GTF2I: variants seen among roughly 807,000 people sequenced by gnomAD.
The protein encoded by GTF2I is general transcription factor II-I.
GTF2I carries 12 observed loss-of-function variants against 67.6 expected under a neutral mutation model. The observed-to-expected ratio is 0.18, with a 90% CI of 0.11 to 0.29. The LOEUF (loss-of-function observed/expected upper bound fraction) is 0.29, where lower values mean the gene tolerates loss of function less well. GTF2I is among the 10% of genes least tolerant of loss of function. The probability of loss-of-function intolerance (pLI) is 1.00; values close to 1 mark genes in which losing one functional copy is unlikely to be tolerated. For synonymous variants in GTF2I, 149 were observed against 197.0 expected, an observed-to-expected ratio of 0.76 and a Z score of 2.04; for missense variants, 271 against 580.1, an observed-to-expected ratio of 0.47 and a Z score of 5.47.
At chr7:74,693,472 T>C (rs1788560836) in intron 3 of GTF2I, among the ~76,000 whole-genome samples, 1 of 152,014 alleles carries the variant, frequency 6.6e-6, no homozygotes, top group East Asian at 1.9e-4. Flanking sequence ...TAGGTAAATA[T>C]GTGTTCTGAC....
intron 1 of GTF2I, among the ~76,000 whole-genome samples, chr7:74,677,637 C>G (rs782013949): frequency 6.6e-6 from 1 of 151,644 alleles, no homozygotes; most frequent in South Asian, 2.1e-4. Flanking sequence ...AGAAAATTAG[C>G]CGGGCGTGGT....
chr7:74,680,099 A>AAAAAAATATAT, intron 1 of GTF2I, among the ~76,000 whole-genome samples: 11 of 94,968 alleles, frequency 1.2e-4, no homozygotes, highest in African/African-American at 4.0e-4. Context: ...AAAAAAAAAA[A>AAAAAAATATAT]ATATATATAT....
Position 74,666,849 on chromosome 7 carries a change from G to A in GTF2I, c.-6+8781G>A, listed in dbSNP as rs1466592044. Among the ~76,000 whole-genome samples, 5 of 152,072 alleles carry A rather than the reference G, an allele frequency of 3.3e-5. No homozygotes were observed. In the East Asian group the frequency reaches 5.8e-4, roughly 18 times the overall value. On this transcript the variant is annotated intron_variant, in intron 1 of 34. Transcript: ENST00000573035. ...AAAAAAATTAGCCAGGCGTGATGGC[G>A]GGTGCCTGTAGTCCCAGCTACTCAG... is the stretch of plus-strand genomic sequence containing the variant.
At chr7:74,724,024 C>G (rs781953662) in intron 12 of GTF2I, among the ~76,000 whole-genome samples, 2 of 152,090 alleles carry the variant, frequency 1.3e-5, no homozygotes, top group Non-Finnish European at 1.5e-5. Flanking sequence ...ACAAAGCCAC[C>G]AGGCTTTGCT....
intron 10 of GTF2I, among the ~76,000 whole-genome samples, chr7:74,716,057 T>C (rs966042873): frequency 2.6e-5 from 4 of 152,136 alleles, no homozygotes; most frequent in African/African-American, 9.6e-5. Context: ...TTCTTACTAA[T>C]AGGTAATATG....
chr7:74,689,084 G>T, intron 1 of GTF2I, 40 bp from the exon 2 acceptor site: 1 of 1,238,472 alleles, frequency 8.1e-7, no homozygotes, highest in Non-Finnish European at 1.2e-6. Context: ...CAGGACACCA[G>T]ATTTCTACCA....
intron 33 of GTF2I, 82 bp from the exon 34 acceptor site, chr7:74,758,692 ATCTTAG>A: frequency 3.8e-6 from 2 of 525,100 alleles, no homozygotes; most frequent in Non-Finnish European, 7.1e-6. Flanking sequence ...ATTAAACCAT[ATCTTAG>A]TAAATAGTTT....
intron 9 of GTF2I, among the ~76,000 whole-genome samples, chr7:74,711,947 CTCTT>C (rs1231766919): frequency 5.4e-5 from 8 of 146,960 alleles, no homozygotes; most frequent in Non-Finnish European, 1.2e-4. Context: ...CTTCATTTCT[CTCTT>C]TTTTTTTTTT....
intron 1 of GTF2I, among the ~76,000 whole-genome samples, chr7:74,688,672 C>T (rs2131283947): frequency 6.6e-6 from 1 of 152,294 alleles, no homozygotes; most frequent in South Asian, 2.1e-4. Flanking sequence ...TGCCTGTGAT[C>T]TATTTTCTTA....
In GTF2I at chr7:74,705,199, A is replaced by G. The variant is rs1790466047; in HGVS notation, c.622A>G (p.Ile208Val). 6.2e-7 allele frequency: 1 copy of G among 1,603,974 alleles called. No individual in the cohort carries two copies. The highest frequency in any genetic ancestry group is 1.3e-5 in the African/African-American group (1 of 74,782). Reference sequence around the variant, plus strand: ...GATGGTAACAGATGCTGACAGGTCAATACTATCTCCAGGTGGAAGGTAAAA... The same window carrying G: ...GATGGTAACAGATGCTGACAGGTCAGTACTATCTCCAGGTGGAAGGTAAAA... ...RVMVTDADRS[I>V]LSPGGSCGPI... Residue 208 changes from isoleucine (I) to valine (V), a missense_variant, in exon 7 of 35, where the codon ATA (isoleucine) becomes GTA (valine). Physicochemically the swap from Ile to Val is conservative, Grantham distance 29. Transcript: ENST00000573035.
intron 12 of GTF2I, among the ~76,000 whole-genome samples, chr7:74,721,118 C>G (rs1342942107): frequency 6.6e-6 from 1 of 152,032 alleles, no homozygotes; most frequent in South Asian, 2.1e-4. Context: ...CTCGGCTCAC[C>G]GCAACCTCCG....
intron 10 of GTF2I, among the ~76,000 whole-genome samples, chr7:74,715,928 A>G (rs1423708672): frequency 6.6e-6 from 1 of 152,092 alleles, no homozygotes; most frequent in East Asian, 1.9e-4. Flanking sequence ...TTGCTTTTTA[A>G]AAATCAAGAT....
rs1239475664 is a variant in GTF2I, at chr7:74,717,061, T to A, written c.880+111T>A. 1.3e-5 allele frequency: 18 copies of A among 1,425,416 alleles called. No individual in the cohort carries two copies. In the Admixed American group the frequency reaches 4.4e-4, roughly 35 times the overall value. 88.3% of individuals were successfully genotyped at this position (1,425,416 alleles called of 1,614,324 possible). A position where few individuals can be genotyped will look rare whatever the true frequency, so the allele number is the denominator to read the frequency against. ...TATTTGGAAATAAAAGGTGATTCCCTTGGTATGCCTTCCTAGCCAACAGGT... is the reference window on the plus strand; with the variant it reads ...TATTTGGAAATAAAAGGTGATTCCCATGGTATGCCTTCCTAGCCAACAGGT... On this transcript the variant is annotated intron_variant, in intron 11 of 34. Transcript: ENST00000573035.
At chr7:74,716,974 A>C (rs370125388) in intron 11 of GTF2I, 24 bp downstream of exon 11, 100 of 1,572,270 alleles carry the variant, frequency 6.4e-5, no homozygotes, top group Non-Finnish European at 7.9e-5. Context: ...GAGATTGCAT[A>C]TTTTCCACTA....
intron 1 of GTF2I, among the ~76,000 whole-genome samples, chr7:74,687,356 C>T (rs1685614903): frequency 6.6e-6 from 1 of 152,044 alleles, no homozygotes; most frequent in African/African-American, 2.4e-5. Context: ...TCCCAAGTAG[C>T]TGGGATTACA....
intron 12 of GTF2I, among the ~76,000 whole-genome samples, chr7:74,722,220 G>A (rs1045910142): frequency 1.3e-5 from 2 of 152,160 alleles, no homozygotes; most frequent in African/African-American, 4.8e-5. Context: ...CTGCCGGTGC[G>A]CTCTGAGCTG....
At chr7:74,709,320 C>A (rs1791207827) in intron 8 of GTF2I, among the ~76,000 whole-genome samples, 1 of 152,172 alleles carries the variant, frequency 6.6e-6, no homozygotes, top group Admixed American at 6.5e-5. Flanking sequence ...GCGATCTCGG[C>A]TCACCACAAC....
intron 11 of GTF2I, 96 bp from the exon 12 acceptor site, chr7:74,718,783 G>A: frequency 1.6e-6 from 1 of 609,334 alleles, no homozygotes; most frequent in African/African-American, 2.0e-5. Flanking sequence ...GATTTTTATA[G>A]TAGGCTGCTT....
At chr7:74,702,756 CAG>C (rs1554400217) in intron 6 of GTF2I, among the ~76,000 whole-genome samples, 1 of 144,966 alleles carries the variant, frequency 6.9e-6, no homozygotes, top group African/African-American at 2.6e-5. Context: ...TTTTTTGAGA[CAG>C]GGTCTCACCC....
Sources: allele counts gnomAD v4.1 joint callset (sites outside exome capture counted in the v4.1 genomes callset), GRCh38; gene constraint gnomAD v4.1.1; transcripts MANE v1.5; gene names NCBI Gene and HGNC (gene_info 2026-07-23, HGNC 2026-07-21).